BTBD9: variants seen among roughly 807,000 people sequenced by gnomAD.
The protein encoded by BTBD9 is BTB/POZ domain-containing protein 9.
A neutral mutation model predicts 64.3 loss-of-function variants in BTBD9; 49 were observed. The ratio of observed to expected loss-of-function variants is 0.76; its 90% CI spans 0.61 to 0.97. The LOEUF is 0.97. BTBD9 is among the 50% of genes least tolerant of loss of function. BTBD9 has a pLI of 0.00. For synonymous variants in BTBD9, 260 were observed against 274.7 expected, an observed-to-expected ratio of 0.95 and a Z score of 0.53; for missense variants, 598 against 762.1, an observed-to-expected ratio of 0.78 and a Z score of 2.53.
chr6:38,388,556 A>C (rs1056495405), intron 6 of BTBD9, among the ~76,000 whole-genome samples: 1 of 152,158 alleles, frequency 6.6e-6, no homozygotes, highest in African/African-American at 2.4e-5. Context: ...GGTATATTAG[A>C]TTTTCCTATC....
At chr6:38,192,884 C>A (rs1168795758) in intron 9 of BTBD9, among the ~76,000 whole-genome samples, 1 of 129,752 alleles carries the variant, frequency 7.7e-6, no homozygotes, top group East Asian at 2.2e-4. Context: ...GCACAAAGGG[C>A]AGACCAAGCT....
intron 6 of BTBD9, among the ~76,000 whole-genome samples, chr6:38,451,886 G>A (rs960829695): frequency 3.3e-5 from 5 of 152,104 alleles, no homozygotes; most frequent in Non-Finnish European, 5.9e-5. Context: ...TAGTGTACTT[G>A]AGGAGAGAAG....
intron 7 of BTBD9, among the ~76,000 whole-genome samples, chr6:38,305,324 A>C (rs549642054): frequency 1.3e-5 from 2 of 152,270 alleles, no homozygotes; most frequent in Admixed American, 1.3e-4. Flanking sequence ...TATTCTCTCA[A>C]CTTCTCCCCT....
At chr6:38,615,051 C>A (rs1359852224) in intron 1 of BTBD9, among the ~76,000 whole-genome samples, 1 of 152,346 alleles carries the variant, frequency 6.6e-6, no homozygotes, top group East Asian at 1.9e-4. Context: ...TAACTCTAAT[C>A]ATTCCCCCTG....
chr6:38,384,477 T>C (rs1420151412), intron 6 of BTBD9, among the ~76,000 whole-genome samples: 3 of 152,280 alleles, frequency 2.0e-5, no homozygotes, highest in South Asian at 2.1e-4. Flanking sequence ...ATATGCAAAA[T>C]GTATCCCACA....
At chr6:38,601,468 G>A (rs1163431265) in intron 1 of BTBD9, among the ~76,000 whole-genome samples, 1 of 152,128 alleles carries the variant, frequency 6.6e-6, no homozygotes, top group African/African-American at 2.4e-5. Flanking sequence ...AGCACTTTGG[G>A]AGGCTAAGAT....
chr6:38,282,990 C>A (rs1485905251), intron 8 of BTBD9, among the ~76,000 whole-genome samples: 2 of 152,232 alleles, frequency 1.3e-5, no homozygotes, highest in Non-Finnish European at 2.9e-5. Flanking sequence ...AATGCCATAT[C>A]CCCAGTGCCT....
intron 6 of BTBD9, among the ~76,000 whole-genome samples, chr6:38,438,793 T>C (rs572426319): frequency 6.6e-6 from 1 of 152,308 alleles, no homozygotes; most frequent in South Asian, 2.1e-4. Flanking sequence ...TATTTGGTTA[T>C]GTGGTGATCA....
At position 38,448,392 on chromosome 6, in the gene BTBD9, T is replaced by C. The variant is rs761508542; in HGVS notation, c.1155-103299A>G. The stretch of plus-strand genomic sequence containing the variant: ...CCAAGGTATAGAGTAAAATTAAACA[T>C]GGAAGGAAAAAGGACAAAGACAGTA... On this transcript the variant is annotated intron_variant, in intron 6 of 10. Coordinates refer to ENST00000481247, the MANE Select transcript of BTBD9 (RefSeq NM_001099272.2). Among the ~76,000 whole-genome samples, 4 of 152,158 alleles carry C rather than the reference T, an allele frequency of 2.6e-5. No individual in the cohort carries two copies. The East Asian group carries it at 7.7e-4, about 29-fold the overall frequency.
chr6:38,453,859 TAA>T (rs1303347202), intron 6 of BTBD9, among the ~76,000 whole-genome samples: 1 of 152,152 alleles, frequency 6.6e-6, no homozygotes, highest in African/African-American at 2.4e-5. Context: ...GAAAAAGGGA[TAA>T]GTTTCAAATA....
intron 6 of BTBD9, among the ~76,000 whole-genome samples, chr6:38,394,611 T>A (rs1315669094): frequency 6.6e-6 from 1 of 152,086 alleles, no homozygotes; most frequent in African/African-American, 2.4e-5. Context: ...TAATATCCTA[T>A]TGGTTACAAA....
At chr6:38,249,454 C>T (rs917295236) in intron 9 of BTBD9, among the ~76,000 whole-genome samples, 2 of 151,970 alleles carry the variant, frequency 1.3e-5, no homozygotes, top group Admixed American at 1.3e-4. Context: ...TTGGTAGAGA[C>T]TGGGTCTCAC....
chr6:38,292,735 GTCTA>G (rs1400104340), intron 7 of BTBD9, among the ~76,000 whole-genome samples: 2 of 152,010 alleles, frequency 1.3e-5, no homozygotes, highest in Non-Finnish European at 2.9e-5. Context: ...CTGGCTAGTG[GTCTA>G]TCTATTTTGT....
chr6:38,276,353 TG>T (rs1335893186), intron 8 of BTBD9, among the ~76,000 whole-genome samples: 3 of 80,698 alleles, frequency 3.7e-5, no homozygotes, highest in Admixed American at 3.2e-4. Flanking sequence ...TGTTGTGGGG[TG>T]GGGGGAGGGG....
chr6:38,382,374 C>T (rs1427221192), intron 6 of BTBD9, among the ~76,000 whole-genome samples: 4 of 152,024 alleles, frequency 2.6e-5, no homozygotes, highest in Non-Finnish European at 5.9e-5. Context: ...AGATCCTTCC[C>T]AGGAGTGAGG....
At chr6:38,580,674 T>C (rs535662706) in intron 4 of BTBD9, among the ~76,000 whole-genome samples, 1 of 151,426 alleles carries the variant, frequency 6.6e-6, no homozygotes, top group South Asian at 2.1e-4. Context: ...GGCAGGTGGA[T>C]CACTTGAGCC....
intron 6 of BTBD9, among the ~76,000 whole-genome samples, chr6:38,474,191 A>C (rs1285203905): frequency 6.6e-6 from 1 of 152,190 alleles, no homozygotes; most frequent in African/African-American, 2.4e-5. Context: ...GAAAAGATGG[A>C]AACAGGAAAA....
At chr6:38,561,772 C>G (rs1049653831) in intron 6 of BTBD9, among the ~76,000 whole-genome samples, 1 of 152,098 alleles carries the variant, frequency 6.6e-6, no homozygotes, top group Non-Finnish European at 1.5e-5. Flanking sequence ...ACAGTAGACA[C>G]TGGGGACTAC....
intron 6 of BTBD9, among the ~76,000 whole-genome samples, chr6:38,546,052 A>C (rs918371480): frequency 6.6e-6 from 1 of 152,120 alleles, no homozygotes; most frequent in South Asian, 2.1e-4. Context: ...CCAATTCTCT[A>C]TATATTCTGA....
Sources: gnomAD v4.1 joint callset for allele counts (sites outside exome capture counted in the v4.1 genomes callset) on GRCh38, gnomAD v4.1.1 for gene constraint, MANE v1.5 for transcripts, NCBI Gene and HGNC (gene_info 2026-07-23, HGNC 2026-07-21) for gene names.